Variants in AMN observed in about 807,000 individuals in gnomAD.
AMN encodes the protein amnion associated transmembrane protein, also known as protein amnionless.
A neutral mutation model predicts 49.1 loss-of-function variants in AMN; 40 were observed. That is an observed-to-expected ratio of 0.81 (90% CI 0.63 to 1.06). The LOEUF (loss-of-function observed/expected upper bound fraction) is 1.06. Ranked by LOEUF, AMN falls within the 50% of genes least tolerant of loss-of-function variation. AMN has a pLI of 0.00. For synonymous variants in AMN, 380 were observed against 313.3 expected (o/e 1.21, Z -2.25); for missense variants, 701 against 662.8 (o/e 1.06, Z -0.63).
intron 9 of AMN, 37 bp downstream of exon 9, chr14:102,930,123 C>T (rs1404404974): frequency 8.0e-6 from 12 of 1,500,486 alleles, no homozygotes; most frequent in Non-Finnish European, 1.1e-5. Flanking sequence ...CGCCGCGCCT[C>T]GCCCCGCCGC....
chr14:102,930,477 C>T lies in AMN; in HGVS notation c.1241C>T (p.Thr414Met), dbSNP rs1328197913. The T allele has an allele frequency of 6.5e-7, 1 of 1,532,164 alleles. No homozygotes were observed. Among genetic ancestry groups the T allele is most frequent in the South Asian group, 1.2e-5 (1 of 82,970 alleles). 94.9% of individuals were successfully genotyped at this position (1,532,164 alleles called of 1,614,324 possible). A position where few individuals can be genotyped will look rare whatever the true frequency, so the allele number is the denominator to read the frequency against. ...TTCCGCAACCCGGTGTTCGACGTGA[C>T]GGCCTCCGAGGAGCTGGTGAGGGGG... is the stretch of plus-strand genomic sequence containing the variant. Reference protein sequence around the residue: ...LGFRNPVFDVTASEELPLPRR... With the variant: ...LGFRNPVFDVMASEELPLPRR... The change falls in exon 11 of 12, where the codon ACG becomes ATG. Residue 414 changes from threonine to methionine, a missense_variant. Physicochemically the swap from Thr to Met is moderately conservative, Grantham distance 81. Coordinates refer to ENST00000299155, the MANE Select transcript of AMN (RefSeq NM_030943.4).
Position 102,929,942 on chromosome 14 carries a change from C to T in AMN, c.862C>T (p.Gln288Ter), listed in dbSNP as rs1202544126. The T allele has an allele frequency of 6.4e-7, 1 of 1,561,916 alleles. No homozygotes were observed. The stretch of plus-strand genomic sequence containing the variant: ...TCCCCAGCCTCAGTACCACGGGCTG[C>T]AGGTGGCCGTGTCCAAGGTGCCACG... ...FLGLPQYHGL[Q>*]VAVSKVPRSS... is the part of the protein sequence containing the mutation. The change falls in exon 9 of 12, where the codon CAG becomes TAG. Residue 288 changes from glutamine to a stop codon, truncating the protein, a stop_gained. Transcript: ENST00000299155. LOFTEE classifies it high-confidence loss of function.
At chr14:102,924,047 G>GC in intron 3 of AMN, 68 bp downstream of exon 3, 1 of 1,603,020 alleles carries the variant, frequency 6.2e-7, no homozygotes, top group Non-Finnish European at 8.5e-7. Context: ...TTCAGGGACT[G>GC]CTGTGCCTTG....
chr14:102,929,078 C>T (rs771485970), intron 5 of AMN, 43 bp from the exon 6 acceptor site: 2 of 1,597,318 alleles, frequency 1.3e-6, no homozygotes, highest in Middle Eastern at 1.6e-4. Context: ...CAGGTGAAGT[C>T]TCTTCCTCGG....
chr14:102,927,623 C>G (rs1195919823), intron 3 of AMN, among the ~76,000 whole-genome samples: 2 of 152,230 alleles, frequency 1.3e-5, no homozygotes, highest in Admixed American at 1.3e-4. Context: ...TGGGTCCTGC[C>G]TCGGGTGGGC....
chr14:102,930,238 GC>G lies in AMN; in HGVS notation c.1081del (p.Leu361TrpfsTer53). ...AHVWGSSAAG[L>X]AGGVAAAVLL... ...ACGTCTGGGGCAGCTCCGCGGCTGG[GC>G]TGGCGGGCGGCGTGGCGGCTGCCGT... On this transcript the variant is annotated frameshift_variant, in exon 10 of 12. Transcript: ENST00000299155. LOFTEE classifies it high-confidence loss of function. 1 of 1,386,788 alleles carries G rather than the reference GC, an allele frequency of 7.2e-7. No individual in the cohort carries two copies. 85.9% of individuals were successfully genotyped at this position (1,386,788 alleles called of 1,614,324 possible). A position where few individuals can be genotyped will look rare whatever the true frequency, so the allele number is the denominator to read the frequency against.
intron 3 of AMN, among the ~76,000 whole-genome samples, chr14:102,927,806 G>C (rs558755854): frequency 1.9e-4 from 29 of 152,310 alleles, no homozygotes; most frequent in Admixed American, 1.8e-3. Context: ...CCGTATTTCT[G>C]CTGACACCCG....
chr14:102,928,664 T>TGGGAC, intron 4 of AMN, 94 bp from the exon 5 acceptor site: 2 of 1,510,094 alleles, frequency 1.3e-6, no homozygotes, highest in Non-Finnish European at 1.8e-6. Context: ...AAGCGGGGCT[T>TGGGAC]GGGAGGTCGT....
intron 3 of AMN, among the ~76,000 whole-genome samples, chr14:102,926,423 G>GCCGA (rs1891188834): frequency 6.6e-6 from 1 of 151,788 alleles, no homozygotes; most frequent in Non-Finnish European, 1.5e-5. Flanking sequence ...AGGCCGCTTT[G>GCCGA]CCGACCCTAC....
rs750347092 is a variant in AMN, at chr14:102,923,856, T to G, written c.162+27T>G. On this transcript the variant is annotated intron_variant, in intron 2 of 11. Coordinates refer to ENST00000299155, the MANE Select transcript of AMN (RefSeq NM_030943.4). The stretch of plus-strand genomic sequence containing the variant: ...TGCCTGGGAGCGCCGGCGGGGTCGG[T>G]GATGGGCCTGGACCCCTGAGACCGT... 3.1e-6 allele frequency: 5 copies of G among 1,612,358 alleles called. No homozygotes were observed. The African/African-American group carries it at 4.0e-5, about 13-fold the overall frequency.
chr14:102,929,433 G>A lies in AMN; in HGVS notation c.657G>A (p.Gln219=), dbSNP rs1472298137. Reference sequence around the variant, plus strand: ...ACCACCGCCCCTCGCACCAGGCGCAGCCGTGGATCTGCGCGGCCCTGCTCC... The same window carrying A: ...ACCACCGCCCCTCGCACCAGGCGCAACCGTGGATCTGCGCGGCCCTGCTCC... ...SGCVCGNAEA[Q]PWICAALLQP... Residue 219 remains glutamine (Q), a synonymous_variant, in exon 7 of 12, where the codon CAG becomes CAA. Transcript: ENST00000299155. The A allele has an allele frequency of 3.3e-6, 5 of 1,530,744 alleles. No individual in the cohort carries two copies. Among genetic ancestry groups the A allele is most frequent in the East Asian group, 2.5e-5 (1 of 40,754 alleles). 94.8% of individuals were successfully genotyped at this position (1,530,744 alleles called of 1,614,324 possible).
rs374964770 is a variant in AMN, at chr14:102,928,388, C to T, written c.208-38C>T. 84 of 1,539,062 alleles carry T rather than the reference C, an allele frequency of 5.5e-5. No homozygotes were observed. In the African/African-American group the frequency reaches 9.7e-4, roughly 18 times the overall value. On this transcript the variant is annotated intron_variant, in intron 3 of 11. Coordinates refer to ENST00000299155, the MANE Select transcript of AMN (RefSeq NM_030943.4). Reference sequence around the variant, plus strand: ...GGGGTGGGCGCGGAGCAGGCCCGGACCCCCGCGTGGCGCCGCCTCAGCCCG... The same window carrying T: ...GGGGTGGGCGCGGAGCAGGCCCGGATCCCCGCGTGGCGCCGCCTCAGCCCG...
In AMN at chr14:102,923,769, C is replaced by T; in HGVS notation, c.102C>T (p.Ala34=). 1.2e-6 allele frequency: 2 copies of T among 1,612,804 alleles called. No homozygotes were observed. Among genetic ancestry groups the T allele is most frequent in the Non-Finnish European group, 1.7e-6 (2 of 1,179,892 alleles). Residue 34 remains alanine, a synonymous_variant, in exon 2 of 12, where the codon GCC becomes GCT. Coordinates refer to ENST00000299155, the MANE Select transcript of AMN (RefSeq NM_030943.4). ...CCAACACGGACTTCGACGTCGCAGC[C>T]AACTGGAGCCAGAACCGGACCCCGT... ...WVPNTDFDVA[A]NWSQNRTPCA... is the part of the protein sequence containing the mutation.
At chr14:102,927,468 A>T (rs532217179) in intron 3 of AMN, among the ~76,000 whole-genome samples, 1 of 152,112 alleles carries the variant, frequency 6.6e-6, no homozygotes, top group African/African-American at 2.4e-5. Flanking sequence ...TTCCGTCCCC[A>T]CGGCTCCACC....
Position 102,929,463 on chromosome 14 carries a change from C to A in AMN, c.687C>A (p.Pro229=). 4 of 1,531,380 alleles carry A rather than the reference C, an allele frequency of 2.6e-6. No homozygotes were observed. Among genetic ancestry groups the A allele is most frequent in the Non-Finnish European group, 2.6e-6 (3 of 1,145,176 alleles). The allele number at this position is 1,531,380 out of a possible 1,614,324, so 94.9% of individuals were successfully genotyped here. A position where few individuals can be genotyped will look rare whatever the true frequency, so the allele number is the denominator to read the frequency against. ...GGATCTGCGCGGCCCTGCTCCAGCC[C>A]CTGGGCGGCCGCTGCCCCCAGGCCG... ...QPWICAALLQ[P]LGGRCPQAAC... is the part of the protein sequence containing the mutation. The change falls in exon 7 of 12, where the codon CCC becomes CCA. Residue 229 remains proline, a synonymous_variant. Transcript: ENST00000299155.
intron 8 of AMN, 60 bp from the exon 9 acceptor site, chr14:102,929,864 T>TCCC (rs1891292788): frequency 3.9e-6 from 6 of 1,547,870 alleles, no homozygotes; most frequent in Non-Finnish European, 5.2e-6. Context: ...GCCCTTAGCG[T>TCCC]CCCCATAGGC....
Position 102,930,579 on chromosome 14 carries a change from C to T in AMN, c.1261C>T (p.Leu421=). Residue 421 remains leucine (L), a synonymous_variant, in exon 12 of 12, where the codon CTG becomes TTG. Coordinates refer to ENST00000299155, the MANE Select transcript of AMN (RefSeq NM_030943.4). The part of the protein sequence containing the change: ...FDVTASEELP[L]PRRLSLVPKA... The stretch of plus-strand genomic sequence containing the variant: ...GCCTGACCCTGTCACCCCGCAGCCC[C>T]TGCCGCGGCGGCTCAGCCTGGTTCC... The T allele has an allele frequency of 4.4e-6, 7 of 1,576,210 alleles. No individual in the cohort carries two copies. The highest frequency in any genetic ancestry group is 1.8e-5 in the Admixed American group (1 of 54,970).
chr14:102,930,622 G>A lies in AMN; in HGVS notation c.1304G>A (p.Ser435Asn). The A allele has an allele frequency of 6.3e-7, 1 of 1,594,004 alleles. No homozygotes were observed. The highest frequency in any genetic ancestry group is 8.5e-7 in the Non-Finnish European group (1 of 1,172,256). The change falls in exon 12 of 12, where the codon AGC becomes AAC. Residue 435 changes from serine to asparagine, a missense_variant. Ser to Asn is a conservative substitution (Grantham distance 46). Transcript: ENST00000299155. ...CTGGTTCCGAAGGCGGCCGCAGACA[G>A]CACCAGCCACAGTTACTTCGTCAAC... ...LSLVPKAAAD[S>N]TSHSYFVNPL...
chr14:102,924,400 CAG>C (rs543275975), intron 3 of AMN, among the ~76,000 whole-genome samples: 49 of 152,304 alleles, frequency 3.2e-4, no homozygotes, highest in African/African-American at 1.1e-3. Flanking sequence ...AGTGGCCGCC[CAG>C]GAAGAGGCGA....
Sources: allele counts gnomAD v4.1 joint callset (sites outside exome capture counted in the v4.1 genomes callset), GRCh38; gene constraint gnomAD v4.1.1; transcripts MANE v1.5; gene names NCBI Gene and HGNC (gene_info 2026-07-23, HGNC 2026-07-21).